CPEB3: variants seen among roughly 807,000 people sequenced by gnomAD.
CPEB3 encodes the protein cytoplasmic polyadenylation element-binding protein 3.
In CPEB3, 20 loss-of-function variants were observed where a neutral mutation model predicts 67.2. That is an observed-to-expected ratio of 0.30 (90% confidence interval 0.21 to 0.43). The LOEUF is 0.43. Ranked by LOEUF, CPEB3 falls within the 20% of genes least tolerant of loss-of-function variation. The pLI, the probability that CPEB3 is intolerant of heterozygous loss-of-function variation, is 1.00. For synonymous variants in CPEB3, 376 were observed against 393.1 expected (o/e 0.96, Z 0.51); for missense variants, 746 against 968.6 (o/e 0.77, Z 3.05).
chr10:92,192,658 A>T (rs1564852876), intron 2 of CPEB3, 22 bp from the exon 3 acceptor site: 1 of 1,547,172 alleles, frequency 6.5e-7, no homozygotes, highest in East Asian at 2.3e-5. Flanking sequence ...AACAAAAACA[A>T]GACAATACAT....
chr10:92,260,453 A>G (rs1264366166), intron 1 of CPEB3, among the ~76,000 whole-genome samples: 3 of 150,640 alleles, frequency 2.0e-5, no homozygotes, highest in Non-Finnish European at 4.4e-5. Context: ...CGGGAGGCTG[A>G]GACAGGAGAA....
At chr10:92,121,248 T>C (rs1251391841) in intron 6 of CPEB3, among the ~76,000 whole-genome samples, 4 of 151,412 alleles carry the variant, frequency 2.6e-5, no homozygotes, top group South Asian at 2.1e-4. Context: ...GACATGGTGA[T>C]CCATCCGCCT....
At chr10:92,168,980 G>C (rs1241685039) in intron 4 of CPEB3, among the ~76,000 whole-genome samples, 1 of 143,338 alleles carries the variant, frequency 7.0e-6, no homozygotes, top group African/African-American at 2.6e-5. Flanking sequence ...ATTTTTAGTA[G>C]AGATGGGGTT....
intron 9 of CPEB3, among the ~76,000 whole-genome samples, chr10:92,058,720 C>A (rs754709692): frequency 1.3e-5 from 2 of 151,820 alleles, no homozygotes; most frequent in Non-Finnish European, 2.9e-5. Context: ...GACTTTAACA[C>A]CCTACTTTCA....
At chr10:92,100,243 CCAG>C (rs79076473) in intron 7 of CPEB3, among the ~76,000 whole-genome samples, 58,816 of 151,822 alleles carry the variant, frequency 0.39, 12,095 homozygotes, top group African/African-American at 0.52. Context: ...TTGTTTCCCC[CCAG>C]CAGCAAGGAG....
intron 5 of CPEB3, among the ~76,000 whole-genome samples, chr10:92,143,683 A>G (rs980768546): frequency 1.3e-5 from 2 of 152,192 alleles, no homozygotes; most frequent in African/African-American, 2.4e-5. Flanking sequence ...AGATCAATAC[A>G]TTTATATTTT....
chr10:92,239,854 G>GGCT lies in CPEB3; in HGVS notation c.494_496dup (p.Gln165dup). Reference sequence around the variant, plus strand: ...CTGCGGCGCGGGCGCAGGCGGCGGCGGCTGCTGGTGGTGCTGGGTCTGCGC... The same window carrying GGCT: ...CTGCGGCGCGGGCGCAGGCGGCGGCGGCTGCTGCTGGTGGTGCTGGGTCTGCGC... On this transcript the variant is annotated inframe_insertion, in exon 2 of 10. Transcript: ENST00000265997. This position sits in a 1 kb window ranked among gnomAD's most constrained non-coding sequence, Gnocchi z 6.0. 1.3e-6 allele frequency: 2 copies of GGCT among 1,537,166 alleles called. No homozygotes were observed. Among genetic ancestry groups the GGCT allele is most frequent in the South Asian group, 1.2e-5 (1 of 81,374 alleles).
intron 3 of CPEB3, among the ~76,000 whole-genome samples, chr10:92,190,691 AAAAAAAAAAAAG>A (rs1300479074): frequency 9.5e-5 from 11 of 115,596 alleles, no homozygotes; most frequent in African/African-American, 3.4e-4. Context: ...AAAAAAAAAA[AAAAAAAAAAAAG>A]GAGGAGGAAA....
At chr10:92,284,292 C>T (rs932034570) in intron 1 of CPEB3, among the ~76,000 whole-genome samples, 2 of 152,034 alleles carry the variant, frequency 1.3e-5, no homozygotes, top group Non-Finnish European at 2.9e-5. Flanking sequence ...CCGCCTCAGC[C>T]TCCCAAAGTG....
chr10:92,216,613 C>T (rs1590414055), intron 2 of CPEB3: 1 of 1,610,176 alleles, frequency 6.2e-7, no homozygotes, highest in Non-Finnish European at 8.5e-7. Context: ...ACTGCCATCT[C>T]CCAGTTAGGT....
chr10:92,193,217 A>C (rs763092149), intron 2 of CPEB3, among the ~76,000 whole-genome samples: 4 of 152,186 alleles, frequency 2.6e-5, no homozygotes, highest in Non-Finnish European at 5.9e-5. Flanking sequence ...ATCTCAAAAA[A>C]AAAAGAACAA....
intron 7 of CPEB3, among the ~76,000 whole-genome samples, chr10:92,105,240 G>A (rs1415286752): frequency 1.3e-5 from 2 of 152,204 alleles, no homozygotes; most frequent in Non-Finnish European, 2.9e-5. Context: ...TTATAGTTAT[G>A]TGTTAAGAGG....
At chr10:92,168,380 G>A (rs1321986013) in intron 4 of CPEB3, among the ~76,000 whole-genome samples, 1 of 152,108 alleles carries the variant, frequency 6.6e-6, no homozygotes, top group African/African-American at 2.4e-5. Flanking sequence ...GATATTATGA[G>A]ATAAAAAGTA....
intron 9 of CPEB3, among the ~76,000 whole-genome samples, chr10:92,079,341 C>G (rs1400429593): frequency 2.0e-5 from 3 of 152,124 alleles, no homozygotes; most frequent in African/African-American, 7.2e-5. Flanking sequence ...GAGAATGAGA[C>G]AGCATGCCCA....
chr10:92,084,381 T>G (rs888818876), intron 8 of CPEB3, among the ~76,000 whole-genome samples: 2 of 152,096 alleles, frequency 1.3e-5, no homozygotes, highest in African/African-American at 4.8e-5. Flanking sequence ...TAATTTCCAT[T>G]TATGAACTTA....
rs184743744 is a variant in CPEB3 at position 92,263,318 on chromosome 10, C to T, written c.-11-22957G>A. ...CTCGAACTCCTGGCCTCAAGTGATC[C>T]GCCCAACTTGGCCTCCCAAAGTGTT... On this transcript the variant is annotated intron_variant, in intron 1 of 9. Transcript: ENST00000265997. Among the ~76,000 whole-genome samples, 260 of 152,260 alleles carry T rather than the reference C, an allele frequency of 1.7e-3. 1 individual carries two copies. Among genetic ancestry groups the T allele is most frequent in the Non-Finnish European group, 2.7e-3 (183 of 68,004 alleles).
At chr10:92,053,643 G>T (rs547499647) in intron 9 of CPEB3, among the ~76,000 whole-genome samples, 14 of 151,130 alleles carry the variant, frequency 9.3e-5, no homozygotes, top group Non-Finnish European at 1.6e-4. Context: ...CCAGGTTCAC[G>T]CCATTCTCCT....
At chr10:92,150,291 T>G (rs1320288129) in intron 4 of CPEB3, among the ~76,000 whole-genome samples, 1 of 151,520 alleles carries the variant, frequency 6.6e-6, no homozygotes, top group Admixed American at 6.6e-5. Flanking sequence ...GGGGTCTCAC[T>G]AGGTTGCCCA....
At chr10:92,217,680 T>C (rs933566581) in intron 2 of CPEB3, among the ~76,000 whole-genome samples, 5 of 152,258 alleles carry the variant, frequency 3.3e-5, no homozygotes, top group South Asian at 2.1e-4. Context: ...GAGAATCACT[T>C]GAACCTGGGA....
Sources: allele counts gnomAD v4.1 joint callset (sites outside exome capture counted in the v4.1 genomes callset), GRCh38; gene constraint gnomAD v4.1.1; non-coding constraint Gnocchi (gnomAD v3.1); transcripts MANE v1.5; gene names NCBI Gene and HGNC (gene_info 2026-07-23, HGNC 2026-07-21).